ZNF385D: variants seen among roughly 807,000 people sequenced by gnomAD.
ZNF385D encodes the protein zinc finger protein 659.
In ZNF385D, 15 loss-of-function variants were observed where a neutral mutation model predicts 35.8. The observed-to-expected ratio is 0.42, with a 90% confidence interval of 0.28 to 0.64. The LOEUF (loss-of-function observed/expected upper bound fraction) is 0.64, where lower values mean the gene tolerates loss of function less well. Among genes scored for constraint, ZNF385D ranks in the 30% least tolerant of loss-of-function variants. ZNF385D has a pLI of 0.23. For synonymous variants in ZNF385D, 212 were observed against 186.8 expected (o/e 1.13, Z -1.10); for missense variants, 474 against 494.6 (o/e 0.96, Z 0.39).
intron 2 of ZNF385D, among the ~76,000 whole-genome samples, chr3:22,293,039 A>C (rs895174313): frequency 3.3e-5 from 5 of 152,150 alleles, no homozygotes; most frequent in African/African-American, 1.2e-4. Context: ...AAGAAGCTGT[A>C]AGTTAGTAGT....
intron 3 of ZNF385D, 145 bp from the exon 4 acceptor site, chr3:21,511,168 A>G (rs1000519474): frequency 5.3e-6 from 5 of 934,814 alleles, no homozygotes; most frequent in African/African-American, 5.0e-5. Flanking sequence ...GGTTCTATTT[A>G]GAATGATGCT....
rs142247700 is a variant in ZNF385D at position 21,794,632 on chromosome 3, T to TG, written c.326-129605dup. On this transcript the variant is annotated intron_variant, in intron 3 of 5. Coordinates refer to the ZNF385D transcript ENST00000494108. ...CAGGATGGAAGGGGCTAGCTAACTT[T>TG]GGGGGTCTCTTTTATAAGCATGAAC... is the stretch of plus-strand genomic sequence containing the variant. Among the ~76,000 whole-genome samples the TG allele has an allele frequency of 2.2e-3, 334 of 152,222 alleles. 2 individuals are homozygous for TG. The highest frequency in any genetic ancestry group is 7.6e-3 in the African/African-American group (314 of 41,548).
At chr3:22,085,587 G>A (rs1366869334) in intron 3 of ZNF385D, among the ~76,000 whole-genome samples, 4 of 152,062 alleles carry the variant, frequency 2.6e-5, no homozygotes, top group Non-Finnish European at 5.9e-5. Context: ...ATAATTAACA[G>A]CCTACCAACC....
chr3:22,193,231 T>G (rs1275670143), intron 2 of ZNF385D, among the ~76,000 whole-genome samples: 1 of 152,176 alleles, frequency 6.6e-6, no homozygotes, highest in African/African-American at 2.4e-5. Flanking sequence ...CCAGGCAGAA[T>G]AAACTCTTTC....
intron 3 of ZNF385D, among the ~76,000 whole-genome samples, chr3:21,997,809 T>C (rs1695562641): frequency 6.6e-6 from 1 of 152,032 alleles, no homozygotes; most frequent in Non-Finnish European, 1.5e-5. Flanking sequence ...TCAAAGTCTC[T>C]GGATAGAATC....
chr3:21,459,547 A>G (rs1371255701), intron 4 of ZNF385D: 1 of 152,198 alleles, frequency 6.6e-6, no homozygotes, highest in Non-Finnish European at 1.5e-5. Flanking sequence ...AGGCAATCAC[A>G]AATTAAATGG....
chr3:21,500,893 A>G (rs1431960770), intron 4 of ZNF385D, among the ~76,000 whole-genome samples: 1 of 152,216 alleles, frequency 6.6e-6, no homozygotes, highest in Non-Finnish European at 1.5e-5. Context: ...TGATATACAA[A>G]TGCAGGCAAT....
At chr3:22,014,290 T>C (rs1040254860) in intron 3 of ZNF385D, among the ~76,000 whole-genome samples, 1 of 152,018 alleles carries the variant, frequency 6.6e-6, no homozygotes. Context: ...AATCACTGTA[T>C]GGGAAGTTTA....
chr3:21,933,246 T>C (rs903895937), intron 3 of ZNF385D, among the ~76,000 whole-genome samples: 1 of 152,242 alleles, frequency 6.6e-6, no homozygotes, highest in African/African-American at 2.4e-5. Flanking sequence ...CACACCTGAA[T>C]CTTCTCTAGA....
chr3:22,097,715 T>G (rs558842594), intron 3 of ZNF385D, among the ~76,000 whole-genome samples: 2 of 152,022 alleles, frequency 1.3e-5, no homozygotes, highest in Admixed American at 1.3e-4. Context: ...GATGAAGCTG[T>G]GTGCTTGGAG....
chr3:22,279,746 T>G (rs1286773550), intron 2 of ZNF385D, among the ~76,000 whole-genome samples: 4 of 151,854 alleles, frequency 2.6e-5, no homozygotes, highest in Non-Finnish European at 4.4e-5. Context: ...GCTATAAATA[T>G]GCGTGTGCAA....
chr3:21,700,221 G>C (rs982427162), intron 1 of ZNF385D, among the ~76,000 whole-genome samples: 1 of 152,060 alleles, frequency 6.6e-6, no homozygotes. Flanking sequence ...GCATGGTCAA[G>C]GAAGACCTCT....
chr3:21,442,886 A>AGT (rs4045435), intron 4 of ZNF385D, among the ~76,000 whole-genome samples: 4,231 of 147,058 alleles, frequency 0.029, 164 homozygotes, highest in African/African-American at 0.09. Flanking sequence ...TCTGTGTATA[A>AGT]GTGTGTGTGT....
In ZNF385D at chr3:22,289,827, A is replaced by AG. The variant is rs200754254; in HGVS notation, c.106+82622dup. Among the ~76,000 whole-genome samples, 1,392 of 152,230 alleles carry AG rather than the reference A, an allele frequency of 9.1e-3. 18 individuals carry two copies. Among genetic ancestry groups the AG allele is most frequent in the South Asian group, 0.049 (236 of 4,828 alleles). Reference sequence around the variant, plus strand: ...CCTGGATTTACCCCTGGGATAAGCTAGGGGAAAGGTTTAGAATACACACAG... The same window carrying AG: ...CCTGGATTTACCCCTGGGATAAGCTAGGGGGAAAGGTTTAGAATACACACAG... On this transcript the variant is annotated intron_variant, in intron 2 of 5. Transcript: ENST00000494108.
intron 2 of ZNF385D, among the ~76,000 whole-genome samples, chr3:22,190,952 T>C (rs1335054830): frequency 1.3e-5 from 2 of 152,178 alleles, no homozygotes; most frequent in African/African-American, 4.8e-5. Context: ...CTAAAAGTCA[T>C]ATTCAAACAA....
chr3:21,739,198 G>A (rs1330322915), intron 1 of ZNF385D, among the ~76,000 whole-genome samples: 2 of 152,158 alleles, frequency 1.3e-5, no homozygotes, highest in Non-Finnish European at 2.9e-5. Flanking sequence ...AGTCACTACC[G>A]AAAAGTCACT....
chr3:22,015,831 A>G (rs950384735), intron 3 of ZNF385D, among the ~76,000 whole-genome samples: 16 of 152,052 alleles, frequency 1.1e-4, no homozygotes, highest in Middle Eastern at 3.2e-3. Flanking sequence ...TTGAACCACT[A>G]TGCCAAAGTT....
At chr3:21,533,645 T>A (rs2061974480) in intron 3 of ZNF385D, among the ~76,000 whole-genome samples, 1 of 152,064 alleles carries the variant, frequency 6.6e-6, no homozygotes, top group South Asian at 2.1e-4. Flanking sequence ...TTACACAAGA[T>A]CTTGTGGCTT....
At chr3:22,153,632 T>G (rs1396162230) in intron 3 of ZNF385D, among the ~76,000 whole-genome samples, 3 of 151,874 alleles carry the variant, frequency 2.0e-5, no homozygotes, top group African/African-American at 7.3e-5. Context: ...CCCTGATGAT[T>G]TTTGTATTTT....
Sources: gnomAD v4.1 joint callset for allele counts (sites outside exome capture counted in the v4.1 genomes callset) on GRCh38, gnomAD v4.1.1 for gene constraint, MANE v1.5 for transcripts, NCBI Gene and HGNC (gene_info 2026-07-23, HGNC 2026-07-21) for gene names.